Variants in FSIP1 observed in about 807,000 individuals in gnomAD.
The protein encoded by FSIP1 is fibrous sheath-interacting protein 1.
In FSIP1, 65 loss-of-function variants were observed where a neutral mutation model predicts 60.9. The ratio of observed to expected loss-of-function variants is 1.07; its 90% CI spans 0.87 to 1.31. FSIP1 has a LOEUF of 1.31. Among genes scored for constraint, FSIP1 ranks in the 40% most tolerant of loss-of-function variants. The probability of loss-of-function intolerance (pLI) is 0.00; values close to 1 mark genes in which losing one functional copy is unlikely to be tolerated. For synonymous variants in FSIP1, 209 were observed against 221.2 expected, an observed-to-expected ratio of 0.94 and a Z score of 0.49; for missense variants, 675 against 665.5, an observed-to-expected ratio of 1.01 and a Z score of -0.16.
intron 10 of FSIP1, among the ~76,000 whole-genome samples, chr15:39,621,649 A>G (rs965164656): frequency 6.6e-6 from 1 of 152,268 alleles, no homozygotes; most frequent in African/African-American, 2.4e-5. Context: ...CTCACTTTAG[A>G]GTGTAGCCTG....
chr15:39,617,785 G>A lies in FSIP1; in HGVS notation c.1649C>T (p.Ser550Leu). The change falls in exon 11 of 12, where the codon TCA (serine) becomes TTA (leucine). Residue 550 changes from serine to leucine, a missense_variant. Physicochemically the swap from Ser to Leu is moderately radical, Grantham distance 145. Transcript: ENST00000350221. ...GAGTTTCAGATGTTGGTCTTCTGAT[G>A]AAAGGCTCACACTGATACCATACAG... Reference protein sequence around the residue: ...DPLYGISVSLSSEDQHLKLSS... With the variant: ...DPLYGISVSLLSEDQHLKLSS... 6.2e-7 allele frequency: 1 copy of A among 1,613,996 alleles called. No homozygotes were observed. Among genetic ancestry groups the A allele is most frequent in the Non-Finnish European group, 8.5e-7 (1 of 1,179,904 alleles).
intron 11 of FSIP1, among the ~76,000 whole-genome samples, chr15:39,608,439 T>G (rs1890905946): frequency 6.6e-6 from 1 of 152,246 alleles, no homozygotes; most frequent in Admixed American, 6.5e-5. Context: ...CCCCTATATA[T>G]GGACTCCATG....
chr15:39,751,122 C>A (rs1292918663), intron 5 of FSIP1, among the ~76,000 whole-genome samples: 2 of 151,714 alleles, frequency 1.3e-5, no homozygotes, highest in African/African-American at 2.4e-5. Context: ...GAGATAACAA[C>A]TATTGGTGAG....
At chr15:39,638,440 C>T (rs146574935) in intron 10 of FSIP1, among the ~76,000 whole-genome samples, 108 of 152,274 alleles carry the variant, frequency 7.1e-4, no homozygotes, top group African/African-American at 2.3e-3. Context: ...TGATTTTAGA[C>T]GCTTTGCCAT....
intron 9 of FSIP1, among the ~76,000 whole-genome samples, chr15:39,719,786 G>T (rs1407195942): frequency 7.2e-5 from 11 of 152,158 alleles, no homozygotes; most frequent in African/African-American, 2.4e-5. Context: ...GCCATAAAAT[G>T]AAGGAAACCT....
At chr15:39,635,202 G>A (rs928872072) in intron 10 of FSIP1, among the ~76,000 whole-genome samples, 3 of 152,118 alleles carry the variant, frequency 2.0e-5, no homozygotes, top group African/African-American at 4.8e-5. Context: ...GAGCATGGTG[G>A]TGCATGCCTA....
intron 11 of FSIP1, among the ~76,000 whole-genome samples, chr15:39,604,102 T>G (rs1254339183): frequency 6.6e-6 from 1 of 152,244 alleles, no homozygotes; most frequent in Non-Finnish European, 1.5e-5. Flanking sequence ...CGGCTAATTT[T>G]GTATTTTTAG....
chr15:39,668,845 T>C (rs1014161404), intron 10 of FSIP1, among the ~76,000 whole-genome samples: 1 of 152,208 alleles, frequency 6.6e-6, no homozygotes, highest in Non-Finnish European at 1.5e-5. Context: ...ATACGTCCAC[T>C]GCAGCATGAT....
intron 10 of FSIP1, among the ~76,000 whole-genome samples, chr15:39,695,569 A>G (rs1207509445): frequency 6.6e-6 from 1 of 152,148 alleles, no homozygotes; most frequent in Admixed American, 6.6e-5. Context: ...ATATTACCAT[A>G]TTACTTTCAT....
intron 2 of FSIP1, among the ~76,000 whole-genome samples, chr15:39,774,027 T>A (rs1309927591): frequency 6.6e-6 from 1 of 152,250 alleles, no homozygotes; most frequent in South Asian, 2.1e-4. Flanking sequence ...TGACTTTTTT[T>A]AACTAAAAAT....
intron 5 of FSIP1, among the ~76,000 whole-genome samples, chr15:39,748,613 G>C (rs1458133452): frequency 6.6e-6 from 1 of 152,052 alleles, no homozygotes; most frequent in Non-Finnish European, 1.5e-5. Context: ...CTACAATTGA[G>C]AACCTCTCTA....
chr15:39,668,742 C>T (rs8029851), intron 10 of FSIP1, among the ~76,000 whole-genome samples: 3,130 of 152,278 alleles, frequency 0.021, 108 homozygotes, highest in African/African-American at 0.071. Context: ...CCTTTCCTTG[C>T]TTGCTTACCA....
At chr15:39,670,385 T>C (rs1380909179) in intron 10 of FSIP1, among the ~76,000 whole-genome samples, 1 of 152,102 alleles carries the variant, frequency 6.6e-6, no homozygotes, top group Non-Finnish European at 1.5e-5. Context: ...ACTTAAGAAA[T>C]GGCAAAAAAT....
chr15:39,714,972 C>CAAAA (rs34491210), intron 9 of FSIP1, among the ~76,000 whole-genome samples: 3 of 89,532 alleles, frequency 3.4e-5, no homozygotes, highest in Non-Finnish European at 4.1e-5. Flanking sequence ...GACTCTGTCT[C>CAAAA]AAAAAAAAAA....
At chr15:39,652,512 G>A (rs1892912195) in intron 10 of FSIP1, among the ~76,000 whole-genome samples, 1 of 152,122 alleles carries the variant, frequency 6.6e-6, no homozygotes, top group Admixed American at 6.5e-5. Flanking sequence ...CACATTTCGG[G>A]TGATTAATCA....
At chr15:39,690,247 A>G (rs2140502763) in intron 10 of FSIP1, among the ~76,000 whole-genome samples, 1 of 152,308 alleles carries the variant, frequency 6.6e-6, no homozygotes, top group Non-Finnish European at 1.5e-5. Flanking sequence ...CAGGGCCATT[A>G]TAGGATGTTA....
intron 10 of FSIP1, among the ~76,000 whole-genome samples, chr15:39,699,370 A>C (rs1190433733): frequency 2.0e-5 from 3 of 152,248 alleles, no homozygotes; most frequent in Non-Finnish European, 1.5e-5. Flanking sequence ...CAAAATTCAC[A>C]ATCTTAATGT....
rs1320253301 is a variant in FSIP1 at position 39,617,832 on chromosome 15, C to A, written c.1602G>T (p.Arg534Ser). Residue 534 changes from arginine to serine, a missense_variant, in exon 11 of 12, where the codon AGG becomes AGT. Transcript: ENST00000350221. ...SKTLGIGRLK[R>S]PSFLDDPLYG... ...ACAGTGGATCATCTAAGAAGGAGGG[C>A]CTTTTCAGTCTCCCAATGCCAAGAG... The A allele has an allele frequency of 3.7e-6, 6 of 1,614,104 alleles. No individual in the cohort carries two copies. The highest frequency in any genetic ancestry group is 1.7e-5 in the Admixed American group (1 of 60,010).
At chr15:39,773,980 T>C (rs1897971423) in intron 2 of FSIP1, among the ~76,000 whole-genome samples, 1 of 152,218 alleles carries the variant, frequency 6.6e-6, no homozygotes. Context: ...CCAAAACTCA[T>C]AGAACTATAC....
Sources: gnomAD v4.1 joint callset for allele counts (sites outside exome capture counted in the v4.1 genomes callset) on GRCh38, gnomAD v4.1.1 for gene constraint, MANE v1.5 for transcripts, NCBI Gene and HGNC (gene_info 2026-07-23, HGNC 2026-07-21) for gene names.